The following TMPRSS7 variants were observed in gnomAD, a reference collection of about 807,000 sequenced individuals.
The protein encoded by TMPRSS7 is transmembrane serine protease 7.
In TMPRSS7, 81 loss-of-function variants were observed where a neutral mutation model predicts 95.6. That is an observed-to-expected ratio of 0.85 (90% CI 0.71 to 1.02). The LOEUF is 1.02. TMPRSS7 is among the 50% of genes least tolerant of loss of function. TMPRSS7 has a pLI of 0.00. For synonymous variants in TMPRSS7, 364 were observed against 337.8 expected (o/e 1.08, Z -0.85); for missense variants, 945 against 955.2 (o/e 0.99, Z 0.14).
chr3:112,073,927 T>A (rs1473673414), intron 13 of TMPRSS7, among the ~76,000 whole-genome samples: 1 of 152,228 alleles, frequency 6.6e-6, no homozygotes, highest in African/African-American at 2.4e-5. Context: ...ATAAAATAAC[T>A]GAGCATGGCT....
rs6765376 is a variant in TMPRSS7, at chr3:112,076,783, C to A, written c.1956-93C>A. 1,048 of 1,461,304 alleles carry A rather than the reference C, an allele frequency of 7.2e-4. 9 individuals are homozygous for A. In the African/African-American group the frequency reaches 0.013, roughly 19 times the overall value. 90.5% of individuals were successfully genotyped at this position (1,461,304 alleles called of 1,614,324 possible). ...ATAACACCCTGGAAGTCAGGCCCTT[C>A]TTTTTCAGCCCTCAACTCTTTAGAG... On this transcript the variant is annotated intron_variant, in intron 15 of 17. Coordinates refer to ENST00000452346, the Ensembl canonical transcript of TMPRSS7.
intron 5 of TMPRSS7, among the ~76,000 whole-genome samples, chr3:112,046,686 T>C (rs1393063244): frequency 6.6e-6 from 1 of 152,168 alleles, no homozygotes. Flanking sequence ...TTGAAAATAT[T>C]TGAAACTTGC....
intron 13 of TMPRSS7, 29 bp from the exon 14 acceptor site, chr3:112,074,267 A>T: frequency 6.6e-7 from 1 of 1,508,950 alleles, no homozygotes; most frequent in Non-Finnish European, 9.2e-7. Context: ...TGGCTAAGGA[A>T]AGCTGTTTCT....
At chr3:112,040,484 G>A (rs2073194378) in intron 2 of TMPRSS7, among the ~76,000 whole-genome samples, 1 of 152,142 alleles carries the variant, frequency 6.6e-6, no homozygotes, top group Non-Finnish European at 1.5e-5. Flanking sequence ...TTGGGTCCTG[G>A]GGTAGGCATG....
intron 1 of TMPRSS7, among the ~76,000 whole-genome samples, chr3:112,036,805 A>G (rs552852712): frequency 1.4e-4 from 21 of 152,350 alleles, no homozygotes; most frequent in Non-Finnish European, 2.5e-4. Context: ...GCAGAAGAAC[A>G]TAAATTGTGA....
chr3:112,040,456 G>A (rs1256397195), intron 2 of TMPRSS7, among the ~76,000 whole-genome samples: 1 of 152,166 alleles, frequency 6.6e-6, no homozygotes, highest in African/African-American at 2.4e-5. Context: ...GATACATCTT[G>A]AGACTGTTCA....
intron 10 of TMPRSS7, among the ~76,000 whole-genome samples, chr3:112,057,982 TC>T (rs1298014452): frequency 2.0e-5 from 3 of 152,112 alleles, no homozygotes; most frequent in African/African-American, 7.2e-5. Context: ...TTCCTAAGCC[TC>T]CCAAAGTTCC....
exon 14 of TMPRSS7, chr3:112,074,328 G>A (rs1450341293): frequency 1.9e-6 from 3 of 1,614,038 alleles, no homozygotes; most frequent in Middle Eastern, 1.7e-4. Context: ...TTTTAAGTGT[G>A]GCAATGATAT....
At chr3:112,063,315 G>T in intron 11 of TMPRSS7, among the ~76,000 whole-genome samples, 1 of 152,162 alleles carries the variant, frequency 6.6e-6, no homozygotes, top group East Asian at 1.9e-4. Flanking sequence ...GAGAGCTCCA[G>T]GTGGATACTG....
rs73853302 is a variant in TMPRSS7 at position 112,061,783 on chromosome 3, C to T, written c.1311-4C>T. ...TGTATTCTCCCCGACTCTTGTCTCCCCAGGTACTGTGGCTCCTACATGGAT... is the reference window on the plus strand; with the variant it reads ...TGTATTCTCCCCGACTCTTGTCTCCTCAGGTACTGTGGCTCCTACATGGAT... On this transcript the variant is annotated splice_polypyrimidine_tract_variant and splice_region_variant and intron_variant, in intron 10 of 17. Coordinates refer to ENST00000452346, the Ensembl canonical transcript of TMPRSS7. 0.011 allele frequency: 17,018 copies of T among 1,601,052 alleles called. 885 individuals carry two copies. The African/African-American group carries it at 0.14, about 13-fold the overall frequency.
chr3:112,045,691 G>T lies in TMPRSS7; in HGVS notation c.498-59G>T, dbSNP rs576309342. The T allele has an allele frequency of 6.7e-5, 97 of 1,456,474 alleles. 1 individual carries two copies. Among genetic ancestry groups the T allele is most frequent in the African/African-American group, 5.6e-4 (39 of 70,256 alleles). 90.2% of individuals were successfully genotyped at this position (1,456,474 alleles called of 1,614,324 possible). On this transcript the variant is annotated intron_variant, in intron 4 of 17. Coordinates refer to ENST00000452346, the Ensembl canonical transcript of TMPRSS7. The stretch of plus-strand genomic sequence containing the variant: ...GCCTTACCTTGAATCCATCATCTGG[G>T]TATTTCTTCTCTGTAAAGTCCTATG...
intron 13 of TMPRSS7, among the ~76,000 whole-genome samples, chr3:112,070,655 G>A (rs1206717576): frequency 1.3e-5 from 2 of 152,106 alleles, no homozygotes; most frequent in African/African-American, 4.8e-5. Flanking sequence ...TGCAACCTCT[G>A]CTTTTTTTTG....
rs1333179177 is a variant in TMPRSS7 at position 112,057,150 on chromosome 3, T to C, written c.1310+19T>C. On this transcript the variant is annotated intron_variant, in intron 10 of 17. Coordinates refer to ENST00000452346, the Ensembl canonical transcript of TMPRSS7. The stretch of plus-strand genomic sequence containing the variant: ...AGCACATGTAAGTGATTTTCATATG[T>C]TTTCATATGTGAGGCATCTGATGAA... 1 of 1,539,638 alleles carries C rather than the reference T, an allele frequency of 6.5e-7. No homozygotes were observed. Among genetic ancestry groups the C allele is most frequent in the Non-Finnish European group, 9.0e-7 (1 of 1,115,292 alleles).
intron 13 of TMPRSS7, among the ~76,000 whole-genome samples, chr3:112,073,446 C>T (rs149474010): frequency 5.9e-5 from 9 of 152,140 alleles, no homozygotes; most frequent in East Asian, 3.9e-4. Context: ...TGCGGTGAGA[C>T]GGTATCTCAT....
At chr3:112,069,538 C>G (rs1281572147) in intron 13 of TMPRSS7, among the ~76,000 whole-genome samples, 1 of 152,140 alleles carries the variant, frequency 6.6e-6, no homozygotes, top group Non-Finnish European at 1.5e-5. Context: ...TCAACTTCTT[C>G]CTGGTTTAGT....
At chr3:112,065,172 C>T (rs985722659) in intron 12 of TMPRSS7, among the ~76,000 whole-genome samples, 5 of 152,122 alleles carry the variant, frequency 3.3e-5, no homozygotes, top group African/African-American at 9.7e-5. Context: ...TCCTGAGTAG[C>T]TGGGAATACA....
At chr3:112,061,233 G>T (rs2073500833) in intron 10 of TMPRSS7, among the ~76,000 whole-genome samples, 1 of 152,288 alleles carries the variant, frequency 6.6e-6, no homozygotes, top group South Asian at 2.1e-4. Context: ...GGCATTAGGT[G>T]ATGAGAGGTA....
chr3:112,068,367 A>T (rs2073601614), intron 13 of TMPRSS7, among the ~76,000 whole-genome samples: 1 of 152,216 alleles, frequency 6.6e-6, no homozygotes, highest in Admixed American at 6.5e-5. Flanking sequence ...GAAGAAAGTC[A>T]TTGGTAGCTT....
chr3:112,069,459 A>T (rs2073616041), intron 13 of TMPRSS7, among the ~76,000 whole-genome samples: 1 of 151,964 alleles, frequency 6.6e-6, no homozygotes, highest in Non-Finnish European at 1.5e-5. Flanking sequence ...TGGTCCTGGA[A>T]TTTTTTTGGT....
Sources: allele counts gnomAD v4.1 joint callset (sites outside exome capture counted in the v4.1 genomes callset), GRCh38; gene constraint gnomAD v4.1.1; transcripts MANE v1.5; gene names NCBI Gene and HGNC (gene_info 2026-07-23, HGNC 2026-07-21).